The following OR2C1 variants were observed in gnomAD, a reference collection of about 807,000 sequenced individuals.
The protein encoded by OR2C1 is olfactory receptor 2C1.
For synonymous variants in OR2C1, 209 were observed against 167.3 expected (o/e 1.25, Z -1.92); for missense variants, 468 against 388.3 (o/e 1.21, Z -1.73).
Position 3,356,211 on chromosome 16 carries a change from A to G in OR2C1, c.271A>G (p.Thr91Ala). The G allele has an allele frequency of 6.2e-7, 1 of 1,614,170 alleles. No individual in the cohort carries two copies. Among genetic ancestry groups the G allele is most frequent in the South Asian group, 1.1e-5 (1 of 91,080 alleles). ...MLINLWGPGK[T>A]ISYGGCITQL... ...GATCAATTTATGGGGACCAGGCAAG[A>G]CCATCAGCTATGGTGGCTGCATAAC... Residue 91 changes from threonine (T) to alanine (A), a missense_variant, in exon 1 of 1, where the codon ACC becomes GCC. Transcript: ENST00000304936.
At chr16:3,336,355 TTTTC>T in the OR2C1 span, among the ~76,000 whole-genome samples, 10 of 152,000 alleles carry the variant, frequency 6.6e-5, no homozygotes, top group Admixed American at 5.3e-4. Flanking sequence ...GTAGTTTTCT[TTTTC>T]TTTCTTTCTT....
chr16:3,342,667 C>G, the OR2C1 span, among the ~76,000 whole-genome samples: 1 of 152,080 alleles, frequency 6.6e-6, no homozygotes, highest in Non-Finnish European at 1.5e-5. Context: ...ATCATGAGGT[C>G]GGGAGTTCGA....
chr16:3,339,558 G>A, the OR2C1 span, among the ~76,000 whole-genome samples: 1 of 152,092 alleles, frequency 6.6e-6, no homozygotes, highest in African/African-American at 2.4e-5. Context: ...CTGGGTTTAC[G>A]ACATTCTCCT....
chr16:3,352,162 G>A (rs948778026), upstream of OR2C1, among the ~76,000 whole-genome samples: 1 of 151,904 alleles, frequency 6.6e-6, no homozygotes, highest in Admixed American at 6.6e-5. Flanking sequence ...TGTCGCCCAG[G>A]CTGGAGTGCA....
At chr16:3,357,358 C>CTACCTCTT (rs1189460031), downstream of OR2C1, 2 of 158,920 alleles carry the variant, frequency 1.3e-5, no homozygotes, top group African/African-American at 4.8e-5. Context: ...TTATCTTTGC[C>CTACCTCTT]TACCTCTTTT....
At chr16:3,324,197 A>G in the OR2C1 span, among the ~76,000 whole-genome samples, 1 of 152,120 alleles carries the variant, frequency 6.6e-6, no homozygotes, top group Admixed American at 6.5e-5. Flanking sequence ...AAAATTTTTT[A>G]TTTTATTTTT....
rs1047990738 is a variant in OR2C1 at position 3,356,833 on chromosome 16, A to G, written c.893A>G (p.Lys298Arg). 17 of 1,612,292 alleles carry G rather than the reference A, an allele frequency of 1.1e-5. No homozygotes were observed. The highest frequency in any genetic ancestry group is 3.3e-5 in the Admixed American group (2 of 59,800). Residue 298 changes from lysine (K) to arginine (R), a missense_variant, in exon 1 of 1, where the codon AAG (lysine) becomes AGG (arginine). Transcript: ENST00000304936. ...TACACGCTGCGGAACATGGAAGTGAAGGGCGCACTGAGGAGGTTGCTGGGG... is the reference window on the plus strand; with the variant it reads ...TACACGCTGCGGAACATGGAAGTGAGGGGCGCACTGAGGAGGTTGCTGGGG... Reference protein sequence around the residue: ...LIYTLRNMEVKGALRRLLGKG... With the variant: ...LIYTLRNMEVRGALRRLLGKG...
the OR2C1 span, among the ~76,000 whole-genome samples, chr16:3,350,299 C>A: frequency 6.6e-5 from 10 of 151,890 alleles, no homozygotes; most frequent in Admixed American, 3.9e-4. Flanking sequence ...AGATGATCCA[C>A]CTGCCTCGGA....
chr16:3,322,989 C>T, the OR2C1 span: 1 of 943,556 alleles, frequency 1.1e-6, no homozygotes, highest in East Asian at 1.2e-4. Flanking sequence ...TGGAATTTTT[C>T]CTTGGAACTG....
chr16:3,336,960 G>A, the OR2C1 span, among the ~76,000 whole-genome samples: 1 of 151,086 alleles, frequency 6.6e-6, no homozygotes. Context: ...CGCCCATCTT[G>A]GCCTCCCAAA....
the OR2C1 span, among the ~76,000 whole-genome samples, chr16:3,344,104 C>T: frequency 1.3e-5 from 2 of 151,992 alleles, no homozygotes; most frequent in African/African-American, 4.8e-5. Context: ...ACCTGTAATT[C>T]CAGCTACTTG....
chr16:3,335,176 G>A, the OR2C1 span, among the ~76,000 whole-genome samples: 10 of 152,166 alleles, frequency 6.6e-5, no homozygotes, highest in African/African-American at 2.4e-4. Context: ...TTGTGGGTCT[G>A]TATAACTTTT....
chr16:3,335,420 G>A, the OR2C1 span, among the ~76,000 whole-genome samples: 1 of 151,402 alleles, frequency 6.6e-6, no homozygotes, highest in African/African-American at 2.4e-5. Context: ...TTGATTCCTA[G>A]GTGTTATATA....
the OR2C1 span, among the ~76,000 whole-genome samples, chr16:3,343,961 G>T: frequency 6.6e-6 from 1 of 152,208 alleles, no homozygotes; most frequent in African/African-American, 2.4e-5. Context: ...GCTCATGCTT[G>T]TAATCCCAGC....
the OR2C1 span, among the ~76,000 whole-genome samples, chr16:3,339,063 A>T: frequency 6.6e-6 from 1 of 152,170 alleles, no homozygotes; most frequent in Admixed American, 6.5e-5. Flanking sequence ...TTTTGGTCCT[A>T]TGGGTTTAAA....
At chr16:3,335,520 C>CTTTTTTTTTTTTTTTTTTTTTTTTTTTT in the OR2C1 span, among the ~76,000 whole-genome samples, 1 of 55,410 alleles carries the variant, frequency 1.8e-5, no homozygotes, top group Non-Finnish European at 3.1e-5. Context: ...AATGCTACTG[C>CTTTTTTTTTTTTTTTTTTTTTTTTTTTT]TTTTTTTTTT....
chr16:3,354,973 A>G (rs1318781346), upstream of OR2C1, among the ~76,000 whole-genome samples: 1 of 151,958 alleles, frequency 6.6e-6, no homozygotes, highest in Non-Finnish European at 1.5e-5. Flanking sequence ...TTTCACATCT[A>G]ATTCTAATGG....
the OR2C1 span, among the ~76,000 whole-genome samples, chr16:3,344,727 CAAA>C: frequency 4.6e-5 from 7 of 151,176 alleles, no homozygotes; most frequent in African/African-American, 1.7e-4. Flanking sequence ...GACTCTGTCT[CAAA>C]AAAAAAATTT....
chr16:3,332,253 TAATAA>T, the OR2C1 span, among the ~76,000 whole-genome samples: 1 of 151,812 alleles, frequency 6.6e-6, no homozygotes, highest in African/African-American at 2.4e-5. Context: ...AATAAATAAA[TAATAA>T]AATAAAAATT....
Sources: allele counts gnomAD v4.1 joint callset (sites outside exome capture counted in the v4.1 genomes callset), GRCh38; gene constraint gnomAD v4.1.1; transcripts MANE v1.5; gene names NCBI Gene and HGNC (gene_info 2026-07-23, HGNC 2026-07-21).